GPC5: variants seen among roughly 807,000 people sequenced by gnomAD.
GPC5 encodes the protein glypican-5.
A neutral mutation model predicts 53.9 loss-of-function variants in GPC5; 47 were observed. The ratio of observed to expected loss-of-function variants is 0.87; its 90% CI spans 0.69 to 1.11. GPC5 has a LOEUF of 1.11. Among genes scored for constraint, GPC5 ranks in the 50% most tolerant of loss-of-function variants. GPC5 has a pLI of 0.00. For missense variants in GPC5, 748 were observed against 713.1 expected (o/e 1.05, Z -0.56); for synonymous variants, 286 against 263.3 (o/e 1.09, Z -0.84).
chr13:92,095,971 A>G (rs1403083664), intron 6 of GPC5, among the ~76,000 whole-genome samples: 1 of 152,230 alleles, frequency 6.6e-6, no homozygotes, highest in East Asian at 1.9e-4. Context: ...TACAGAGATA[A>G]AGTGACTTTC....
chr13:92,575,971 A>G (rs1883177772), intron 7 of GPC5, among the ~76,000 whole-genome samples: 1 of 152,130 alleles, frequency 6.6e-6, no homozygotes. Context: ...ATAAAAGCCA[A>G]TCAAGACTGA....
At chr13:92,727,790 G>A (rs1888685801) in intron 7 of GPC5, among the ~76,000 whole-genome samples, 1 of 151,206 alleles carries the variant, frequency 6.6e-6, no homozygotes. Context: ...GCTTTCTTTA[G>A]ACTGCAGCCT....
At chr13:92,190,404 A>T (rs2042215232) in intron 7 of GPC5, among the ~76,000 whole-genome samples, 2 of 152,186 alleles carry the variant, frequency 1.3e-5, no homozygotes, top group Non-Finnish European at 2.9e-5. Flanking sequence ...ACATCAGAAA[A>T]TTAATAAATC....
intron 3 of GPC5, among the ~76,000 whole-genome samples, chr13:91,696,018 T>G (rs760290850): frequency 6.6e-6 from 1 of 152,194 alleles, no homozygotes. Context: ...CTAAAACCCT[T>G]AAGCCTGTTT....
At chr13:92,749,435 G>A (rs550891029) in intron 7 of GPC5, among the ~76,000 whole-genome samples, 3 of 151,634 alleles carry the variant, frequency 2.0e-5, no homozygotes, top group East Asian at 1.9e-4. Context: ...TAGTTCATCC[G>A]GAAAAAAAAG....
intron 7 of GPC5, among the ~76,000 whole-genome samples, chr13:92,331,023 C>A (rs987096393): frequency 2.6e-5 from 4 of 152,088 alleles, no homozygotes; most frequent in Admixed American, 1.3e-4. Context: ...TTACTGATCC[C>A]ATCATTTCAA....
intron 2 of GPC5, among the ~76,000 whole-genome samples, chr13:91,571,432 C>T (rs1023611886): frequency 4.0e-5 from 6 of 151,894 alleles, no homozygotes; most frequent in African/African-American, 1.5e-4. Flanking sequence ...TTTTGTCTTG[C>T]CAAGTAAGGA....
At chr13:92,247,624 G>A (rs2042662310) in intron 7 of GPC5, among the ~76,000 whole-genome samples, 1 of 152,098 alleles carries the variant, frequency 6.6e-6, no homozygotes, top group African/African-American at 2.4e-5. Context: ...ATACATAGGA[G>A]GTGATCAAAA....
chr13:92,147,518 G>C (rs902391732), intron 7 of GPC5, among the ~76,000 whole-genome samples: 3 of 151,950 alleles, frequency 2.0e-5, no homozygotes, highest in Admixed American at 2.0e-4. Context: ...TTTCACAAAG[G>C]AGGTAGAGGC....
At chr13:91,413,519 A>T (rs1032691367) in intron 1 of GPC5, among the ~76,000 whole-genome samples, 1 of 152,256 alleles carries the variant, frequency 6.6e-6, no homozygotes, top group African/African-American at 2.4e-5. Flanking sequence ...TTGAATTCTT[A>T]AAAAAGATAT....
intron 5 of GPC5, among the ~76,000 whole-genome samples, chr13:91,766,577 G>A (rs1286444869): frequency 6.6e-6 from 1 of 152,092 alleles, no homozygotes; most frequent in African/African-American, 2.4e-5. Context: ...TAAAATGTGG[G>A]TAAGGCCGGG....
chr13:91,414,981 G>A lies in GPC5; in HGVS notation c.163+15772G>A, dbSNP rs150816201. ...GCAAAAGCTCAGACTTCCATGTCTTGCATTTACATTTCTCAGGGATATAAT... is the reference window on the plus strand; with the variant it reads ...GCAAAAGCTCAGACTTCCATGTCTTACATTTACATTTCTCAGGGATATAAT... On this transcript the variant is annotated intron_variant, in intron 1 of 7. Transcript: ENST00000377067. Among the ~76,000 whole-genome samples the A allele has an allele frequency of 9.9e-5, 15 of 152,264 alleles. No homozygotes were observed. In the East Asian group the frequency reaches 2.9e-3, roughly 29 times the overall value.
At chr13:92,192,581 A>G (rs1460267568) in intron 7 of GPC5, among the ~76,000 whole-genome samples, 2 of 152,170 alleles carry the variant, frequency 1.3e-5, no homozygotes, top group South Asian at 2.1e-4. Flanking sequence ...TTTTAATTCT[A>G]AATGTGGAGA....
At chr13:91,658,385 T>TA (rs2034899473) in intron 2 of GPC5, among the ~76,000 whole-genome samples, 1 of 140,288 alleles carries the variant, frequency 7.1e-6, no homozygotes, top group African/African-American at 3.1e-5. Context: ...TTTGGGGGAA[T>TA]TTTTTGGGGG....
intron 7 of GPC5, among the ~76,000 whole-genome samples, chr13:92,800,687 C>G (rs971732638): frequency 2.6e-5 from 4 of 151,712 alleles, no homozygotes; most frequent in African/African-American, 9.7e-5. Flanking sequence ...CTAGAAGGCT[C>G]ATTTCAATTT....
chr13:91,859,481 A>G (rs1176889750), intron 5 of GPC5, among the ~76,000 whole-genome samples: 5 of 152,046 alleles, frequency 3.3e-5, no homozygotes, highest in Non-Finnish European at 7.4e-5. Flanking sequence ...ACATATAGAC[A>G]TTGAAAAATC....
chr13:91,846,340 C>T (rs1048504692), intron 5 of GPC5, among the ~76,000 whole-genome samples: 3 of 151,800 alleles, frequency 2.0e-5, no homozygotes, highest in African/African-American at 4.8e-5. Context: ...ATCATAGTAC[C>T]GCCTTAAATG....
intron 7 of GPC5, among the ~76,000 whole-genome samples, chr13:92,590,520 T>C (rs1883679596): frequency 6.6e-6 from 1 of 152,226 alleles, no homozygotes; most frequent in African/African-American, 2.4e-5. Context: ...CCACTGCTTT[T>C]CTCATGGTGG....
intron 2 of GPC5, among the ~76,000 whole-genome samples, chr13:91,614,077 A>G (rs369878212): frequency 6.6e-6 from 1 of 152,208 alleles, no homozygotes; most frequent in Non-Finnish European, 1.5e-5. Flanking sequence ...GATATGCTGG[A>G]TGTAGTCATA....
Sources: allele counts gnomAD v4.1 joint callset (sites outside exome capture counted in the v4.1 genomes callset), GRCh38; gene constraint gnomAD v4.1.1; transcripts MANE v1.5; gene names NCBI Gene and HGNC (gene_info 2026-07-23, HGNC 2026-07-21).